The following PRKCA variants were observed in gnomAD, a reference collection of about 807,000 sequenced individuals.
The protein encoded by PRKCA is protein kinase C alpha type.
PRKCA carries 27 observed loss-of-function variants against 87.0 expected under a neutral mutation model. The ratio of observed to expected loss-of-function variants is 0.31; its 90% confidence interval spans 0.23 to 0.43. The LOEUF (loss-of-function observed/expected upper bound fraction) is 0.43, where lower values mean the gene tolerates loss of function less well. Ranked by LOEUF, PRKCA falls within the 20% of genes least tolerant of loss-of-function variation. The pLI, the probability that PRKCA is intolerant of heterozygous loss-of-function variation, is 1.00. For missense variants in PRKCA, 518 were observed against 852.3 expected (o/e 0.61, Z 4.88); for synonymous variants, 329 against 311.1 (o/e 1.06, Z -0.61).
chr17:66,412,192 C>A (rs76324847), intron 2 of PRKCA, among the ~76,000 whole-genome samples: 1,774 of 152,006 alleles, frequency 0.012, 30 homozygotes, highest in African/African-American at 0.04. Context: ...CCACCTCAGC[C>A]TCCCAAGGCA....
intron 3 of PRKCA, among the ~76,000 whole-genome samples, chr17:66,608,743 G>A (rs1970275746): frequency 6.6e-6 from 1 of 152,208 alleles, no homozygotes. Context: ...TTGGGAAGGA[G>A]GAGGGAAGAG....
chr17:66,402,726 G>T (rs1911110273), intron 2 of PRKCA, among the ~76,000 whole-genome samples: 1 of 150,218 alleles, frequency 6.7e-6, no homozygotes, highest in African/African-American at 2.5e-5. Context: ...CCAGAGCACT[G>T]AGATGTTTGC....
intron 16 of PRKCA, among the ~76,000 whole-genome samples, chr17:66,797,914 C>G (rs1401018593): frequency 6.6e-6 from 1 of 152,196 alleles, no homozygotes; most frequent in African/African-American, 2.4e-5. Flanking sequence ...CAGTGCGCAC[C>G]CAGCCCAGTT....
At chr17:66,437,340 G>A (rs766483707) in intron 2 of PRKCA, among the ~76,000 whole-genome samples, 1 of 152,170 alleles carries the variant, frequency 6.6e-6, no homozygotes, top group Non-Finnish European at 1.5e-5. Context: ...ATCTGCCTGT[G>A]ACTGGTATAA....
chr17:66,648,800 T>A (rs1249975304), intron 5 of PRKCA, among the ~76,000 whole-genome samples: 1 of 152,012 alleles, frequency 6.6e-6, no homozygotes, highest in East Asian at 1.9e-4. Context: ...TTATGAAAAA[T>A]AAGTGCTTAC....
At position 66,781,887 on chromosome 17, in the gene PRKCA, A is replaced by ATATATATAGT. The variant is rs767300220; in HGVS notation, c.1606-4980_1606-4979insTATATATAGT. Among the ~76,000 whole-genome samples, 21 of 125,618 alleles carry ATATATATAGT rather than the reference A, an allele frequency of 1.7e-4. 1 individual carries two copies. The South Asian group carries it at 1.8e-3, about 11-fold the overall frequency. 82.4% of individuals were successfully genotyped at this position (125,618 alleles called of 152,430 possible). ...GAGAGAGATATATATATATATATATAGTGTGTGTGTGTGTGTGTGTGTGTG... is the reference window on the plus strand; with the variant it reads ...GAGAGAGATATATATATATATATATATATATATAGTGTGTGTGTGTGTGTGTGTGTGTGTG... On this transcript the variant is annotated intron_variant, in intron 14 of 16. Transcript: ENST00000413366.
chr17:66,803,730 G>A lies in PRKCA; in HGVS notation c.1855-143G>A. 2 of 1,108,490 alleles carry A rather than the reference G, an allele frequency of 1.8e-6. No individual in the cohort carries two copies. The highest frequency in any genetic ancestry group is 3.0e-4 in the Middle Eastern group (1 of 3,316). 68.7% of individuals were successfully genotyped at this position (1,108,490 alleles called of 1,614,324 possible). ...TGTGCCTGGCTTTTCAATCCAATAG[G>A]CCTGCAAGTCCTCCGAGATTCCTCC... On this transcript the variant is annotated intron_variant, in intron 16 of 16. Coordinates refer to ENST00000413366, the MANE Select transcript of PRKCA (RefSeq NM_002737.3). The surrounding 1 kb of genome is among the most constrained non-coding windows in gnomAD (Gnocchi z 4.4).
At chr17:66,681,282 G>T (rs773215008) in intron 5 of PRKCA, among the ~76,000 whole-genome samples, 1 of 152,170 alleles carries the variant, frequency 6.6e-6, no homozygotes, top group South Asian at 2.1e-4. Context: ...GCATTGATCT[G>T]TTGGATCAGT....
intron 14 of PRKCA, among the ~76,000 whole-genome samples, chr17:66,780,032 G>C (rs753847042): frequency 6.6e-6 from 1 of 152,218 alleles, no homozygotes; most frequent in African/African-American, 2.4e-5. Context: ...GCCTGAGAGC[G>C]AGTGATTACC....
At chr17:66,671,209 CAAAA>C (rs778507190) in intron 5 of PRKCA, among the ~76,000 whole-genome samples, 2 of 48,450 alleles carry the variant, frequency 4.1e-5, no homozygotes, top group Non-Finnish European at 6.8e-5. Context: ...AGACTCATCT[CAAAA>C]AAAAAAAAAA....
chr17:66,346,731 C>T (rs1907396786), intron 2 of PRKCA, among the ~76,000 whole-genome samples: 1 of 151,990 alleles, frequency 6.6e-6, no homozygotes, highest in African/African-American at 2.4e-5. Flanking sequence ...GATTAAGGCA[C>T]TAGTTCTTAG....
At chr17:66,793,521 C>T (rs1198101399) in intron 16 of PRKCA, among the ~76,000 whole-genome samples, 1 of 130,332 alleles carries the variant, frequency 7.7e-6, no homozygotes, top group African/African-American at 3.0e-5. Context: ...ACCTGGGAGG[C>T]GGAAGTTGCA....
chr17:66,751,855 C>G (rs1250785908), intron 13 of PRKCA, among the ~76,000 whole-genome samples: 1 of 152,172 alleles, frequency 6.6e-6, no homozygotes, highest in Non-Finnish European at 1.5e-5. Flanking sequence ...TCTTCCATAG[C>G]CAGAGCAAGA....
At chr17:66,568,094 C>T (rs910710313) in intron 3 of PRKCA, among the ~76,000 whole-genome samples, 1 of 152,170 alleles carries the variant, frequency 6.6e-6, no homozygotes, top group Non-Finnish European at 1.5e-5. Flanking sequence ...GCAGGCAGAT[C>T]ACTTGAGGTC....
intron 2 of PRKCA, among the ~76,000 whole-genome samples, chr17:66,397,827 G>A (rs966196890): frequency 6.6e-6 from 1 of 152,090 alleles, no homozygotes; most frequent in Non-Finnish European, 1.5e-5. Context: ...CATCCTGATG[G>A]CACCACTGTC....
At position 66,404,898 on chromosome 17, in the gene PRKCA, C is replaced by T. The variant is rs150901638; in HGVS notation, c.206-91303C>T. On this transcript the variant is annotated intron_variant, in intron 2 of 16. Coordinates refer to ENST00000413366, the MANE Select transcript of PRKCA (RefSeq NM_002737.3). ...CTGAGTAGCTGAGATTACAGGCGCA[C>T]GCCACCACGCCCGGCTAATTTTTGT... Among the ~76,000 whole-genome samples the T allele has an allele frequency of 9.6e-3, 1,452 of 151,874 alleles. 14 individuals carry two copies. Among genetic ancestry groups the T allele is most frequent in the Non-Finnish European group, 0.015 (1,030 of 67,904 alleles).
chr17:66,736,074 G>A (rs1270405140), intron 10 of PRKCA, among the ~76,000 whole-genome samples: 1 of 151,314 alleles, frequency 6.6e-6, no homozygotes, highest in African/African-American at 2.4e-5. Context: ...AGAGACGGGG[G>A]TTTCACCATG....
At chr17:66,420,773 C>A (rs771364202) in intron 2 of PRKCA, among the ~76,000 whole-genome samples, 1 of 152,102 alleles carries the variant, frequency 6.6e-6, no homozygotes, top group Non-Finnish European at 1.5e-5. Flanking sequence ...TTTTGACTGG[C>A]GATTTTTATC....
chr17:66,740,803 G>C (rs549861302), intron 11 of PRKCA, among the ~76,000 whole-genome samples: 1 of 152,288 alleles, frequency 6.6e-6, no homozygotes, highest in East Asian at 1.9e-4. Flanking sequence ...TATTTGTGTT[G>C]CAGAAAAGTT....
Sources: allele counts gnomAD v4.1 joint callset (sites outside exome capture counted in the v4.1 genomes callset), GRCh38; gene constraint gnomAD v4.1.1; non-coding constraint Gnocchi (gnomAD v3.1); transcripts MANE v1.5; gene names NCBI Gene and HGNC (gene_info 2026-07-23, HGNC 2026-07-21).